REEP4: variants seen among roughly 807,000 people sequenced by gnomAD.
REEP4 encodes the protein receptor accessory protein 4.
In REEP4, 17 loss-of-function variants were observed where a neutral mutation model predicts 33.5. That is an observed-to-expected ratio of 0.51 (90% CI 0.35 to 0.76). The LOEUF (loss-of-function observed/expected upper bound fraction) is 0.76, where lower values mean the gene tolerates loss of function less well. Ranked by LOEUF, REEP4 falls within the 30% of genes least tolerant of loss-of-function variation. The pLI is 0.01. For synonymous variants in REEP4, 157 were observed against 142.9 expected (o/e 1.10, Z -0.70); for missense variants, 340 against 357.9 (o/e 0.95, Z 0.40).
At chr8:22,140,315 A>G in intron 2 of REEP4, 67 bp from the exon 3 acceptor site, 1 of 1,511,366 alleles carries the variant, frequency 6.6e-7, no homozygotes, top group Non-Finnish European at 9.2e-7. Context: ...AGGCCAGCCC[A>G]GCCCAGAGAT....
In REEP4 at chr8:22,140,066, T is replaced by G. The variant is rs756689902; in HGVS notation, c.200A>C (p.Glu67Ala). The G allele has an allele frequency of 6.2e-7, 1 of 1,613,620 alleles. No homozygotes were observed. Among genetic ancestry groups the G allele is most frequent in the East Asian group, 2.2e-5 (1 of 44,860 alleles). Residue 67 changes from glutamate (E) to alanine (A), a missense_variant, in exon 4 of 8, where the codon GAG becomes GCG. Transcript: ENST00000306306. ...IFISWFPFYY[E>A]IKMAFVLWLL... Reference sequence around the variant, plus strand: ...CCACAGCACGAAGGCCATCTTGATCTCATAGTAGAAAGGGAACCTGTCACA... The same window carrying G: ...CCACAGCACGAAGGCCATCTTGATCGCATAGTAGAAAGGGAACCTGTCACA...
In REEP4 at chr8:22,140,088, C is replaced by T; in HGVS notation, c.183-5G>A. 5 of 1,614,040 alleles carry T rather than the reference C, an allele frequency of 3.1e-6. No homozygotes were observed. Among genetic ancestry groups the T allele is most frequent in the Non-Finnish European group, 4.2e-6 (5 of 1,179,948 alleles). ...ATCTCATAGTAGAAAGGGAACCTGT[C>T]ACAGCACAAGGGGCAGGGTGAGCCA... On this transcript the variant is annotated splice_polypyrimidine_tract_variant and splice_region_variant and intron_variant, in intron 3 of 7. Transcript: ENST00000306306.
chr8:22,140,321 G>A (rs1827209482), intron 2 of REEP4, 73 bp from the exon 3 acceptor site: 1 of 1,467,208 alleles, frequency 6.8e-7, no homozygotes, highest in Non-Finnish European at 9.5e-7. Context: ...GCCCAGCCCA[G>A]AGATTCCAGG....
In REEP4 at chr8:22,139,433, C is replaced by T. The variant is rs957910647; in HGVS notation, c.400G>A (p.Val134Met). The T allele has an allele frequency of 2.5e-6, 4 of 1,607,210 alleles. No individual in the cohort carries two copies. Among genetic ancestry groups the T allele is most frequent in the Non-Finnish European group, 3.4e-6 (4 of 1,179,526 alleles). Residue 134 changes from valine (V) to methionine (M), a missense_variant, in exon 5 of 8, where the codon GTG (valine) becomes ATG (methionine). Coordinates refer to ENST00000306306, the MANE Select transcript of REEP4 (RefSeq NM_025232.4). ...CAGAGCACCTTGGTGGCAGCCTGCACAGCAGCGGAGGCGGCAATGTTGAGG... is the reference window on the plus strand; with the variant it reads ...CAGAGCACCTTGGTGGCAGCCTGCATAGCAGCGGAGGCGGCAATGTTGAGG... ...RGLNIAASAA[V>M]QAATKSQGAL...
In REEP4 at chr8:22,138,619, T is replaced by C. The variant is rs367605664; in HGVS notation, c.708+20A>G. 37 of 1,613,824 alleles carry C rather than the reference T, an allele frequency of 2.3e-5. No individual in the cohort carries two copies. Among genetic ancestry groups the C allele is most frequent in the African/African-American group, 4.0e-5 (3 of 74,934 alleles). On this transcript the variant is annotated intron_variant, in intron 7 of 7. Transcript: ENST00000306306. ...CAGCCAGCAGAGCCCTCCTCCCTCC[T>C]GTCGTCCTCCCACACTGACCTCCCG...
In REEP4 at chr8:22,140,255, G is replaced by C. The variant is rs1827208336; in HGVS notation, c.106-7C>G. On this transcript the variant is annotated splice_polypyrimidine_tract_variant and splice_region_variant and intron_variant, in intron 2 of 7. Coordinates refer to ENST00000306306, the MANE Select transcript of REEP4 (RefSeq NM_025232.4). ...AGTACATCATCCACCGCACCTGTGG[G>C]GTGAGCGCCCAGAGGTCAGCATGGG... is the stretch of plus-strand genomic sequence containing the variant. The C allele has an allele frequency of 1.2e-6, 2 of 1,613,880 alleles. No individual in the cohort carries two copies. The highest frequency in any genetic ancestry group is 1.7e-6 in the Non-Finnish European group (2 of 1,179,972).
rs1418250818 is a variant in REEP4 at position 22,138,771 on chromosome 8, C to T, written c.576G>A (p.Gln192=). 6.8e-6 allele frequency: 11 copies of T among 1,607,402 alleles called. No homozygotes were observed. Among genetic ancestry groups the T allele is most frequent in the Admixed American group, 1.7e-5 (1 of 57,588 alleles). The change falls in exon 7 of 8, where the codon CAG becomes CAA. Residue 192 remains glutamine, a synonymous_variant. Coordinates refer to ENST00000306306, the MANE Select transcript of REEP4 (RefSeq NM_025232.4). ...PPIGYRAGGL[Q]DSDTEDECWS... ...AACACTCATCCTCGGTGTCGCTGTC[C>T]TGCAGGCCCCCGGCCCGGTACCCTG...
chr8:22,141,423 G>A (rs1827229079), intron 1 of REEP4, 28 bp downstream of exon 1: 2 of 1,598,810 alleles, frequency 1.3e-6, no homozygotes, highest in East Asian at 2.3e-5. Flanking sequence ...CCCCGGGGTA[G>A]AGGAGGTCTG....
rs1264958403 is a variant in REEP4 at position 22,141,558 on chromosome 8, G to T, written c.-76C>A. 6.7e-7 allele frequency: 1 copy of T among 1,493,702 alleles called. No individual in the cohort carries two copies. Among genetic ancestry groups the T allele is most frequent in the African/African-American group, 1.4e-5 (1 of 70,738 alleles). 92.5% of individuals were successfully genotyped at this position (1,493,702 alleles called of 1,614,324 possible). A position where few individuals can be genotyped will look rare whatever the true frequency, so the allele number is the denominator to read the frequency against. On this transcript the variant is annotated 5_prime_UTR_variant, in exon 1 of 8. Coordinates refer to ENST00000306306, the MANE Select transcript of REEP4 (RefSeq NM_025232.4). ...ACGTTCACTCAAGGGCTGGGACGGG[G>T]GGTGATCAGGGCAGTTGCGGGAAGC...
At chr8:22,141,361 G>C (rs929851930) in intron 1 of REEP4, 90 bp downstream of exon 1, 16 of 1,471,914 alleles carry the variant, frequency 1.1e-5, no homozygotes, top group Non-Finnish European at 1.5e-5. Flanking sequence ...AGCTCAGAAA[G>C]TTCCTCCTCC....
Position 22,139,444 on chromosome 8 carries a change from G to A in REEP4, c.389C>T (p.Ala130Val), listed in dbSNP as rs762547688. ...SFGKRGLNIA[A>V]SAAVQAATKS... ...GGTGGCAGCCTGCACAGCAGCGGAGGCGGCAATGTTGAGGCCCCGCTTCCC... is the reference window on the plus strand; with the variant it reads ...GGTGGCAGCCTGCACAGCAGCGGAGACGGCAATGTTGAGGCCCCGCTTCCC... The change falls in exon 5 of 8, where the codon GCC (alanine) becomes GTC (valine). Residue 130 changes from alanine to valine, a missense_variant. By Grantham distance (64) the Ala-to-Val change is moderately conservative. Coordinates refer to ENST00000306306, the MANE Select transcript of REEP4 (RefSeq NM_025232.4). 1.9e-6 allele frequency: 3 copies of A among 1,608,688 alleles called. No homozygotes were observed. Among genetic ancestry groups the A allele is most frequent in the Admixed American group, 3.3e-5 (2 of 59,966 alleles).
intron 2 of REEP4, 67 bp downstream of exon 2, chr8:22,140,558 A>T: frequency 7.3e-7 from 1 of 1,374,166 alleles, no homozygotes; most frequent in Non-Finnish European, 1.0e-6. Flanking sequence ...TGGAGGAGGG[A>T]GAGGCCAACT....
rs1827234049 is a variant in REEP4 at position 22,141,653 on chromosome 8, A to C, written c.-171T>G. On this transcript the variant is annotated 5_prime_UTR_variant, in exon 1 of 8. Transcript: ENST00000306306. Reference sequence around the variant, plus strand: ...CCCACGGCCTCCGACTGTGCAGTTCAGGGGACCTGGAGAATGGGGAGACCC... The same window carrying C: ...CCCACGGCCTCCGACTGTGCAGTTCCGGGGACCTGGAGAATGGGGAGACCC... The C allele has an allele frequency of 5.1e-6, 3 of 583,742 alleles. No homozygotes were observed. The highest frequency in any genetic ancestry group is 5.6e-6 in the Non-Finnish European group (2 of 354,550). 36.2% of individuals were successfully genotyped at this position (583,742 alleles called of 1,614,324 possible). A position where few individuals can be genotyped will look rare whatever the true frequency, so the allele number is the denominator to read the frequency against.
chr8:22,139,283 A>G, intron 5 of REEP4, 133 bp downstream of exon 5: 6 of 934,348 alleles, frequency 6.4e-6, no homozygotes, highest in Non-Finnish European at 1.0e-5. Flanking sequence ...CGCTTCTGCC[A>G]ATACCCCCCC....
At chr8:22,140,107 TGAGCCAAG>T (rs752436576) in intron 3 of REEP4, 24 bp from the exon 4 acceptor site, 2 of 1,613,978 alleles carry the variant, frequency 1.2e-6, no homozygotes, top group South Asian at 2.2e-5. Context: ...AGGGGCAGGG[TGAGCCAAG>T]GAGCAGGGCT....
chr8:22,139,566 G>T, intron 4 of REEP4, 37 bp from the exon 5 acceptor site: 2 of 1,497,192 alleles, frequency 1.3e-6, no homozygotes, highest in Non-Finnish European at 1.8e-6. Flanking sequence ...CAGGTGGACA[G>T]CCAGAGTCCC....
In REEP4 at chr8:22,140,013, T is replaced by A. The variant is rs1467987721; in HGVS notation, c.253A>T (p.Ser85Cys). The A allele has an allele frequency of 1.2e-6, 2 of 1,601,610 alleles. No individual in the cohort carries two copies. The highest frequency in any genetic ancestry group is 1.7e-6 in the Non-Finnish European group (2 of 1,173,764). The change falls in exon 4 of 8, where the codon AGC (serine) becomes TGC (cysteine). Residue 85 changes from serine (S) to cysteine (C), a missense_variant. By Grantham distance (112) the Ser-to-Cys change is moderately radical. Coordinates refer to ENST00000306306, the MANE Select transcript of REEP4 (RefSeq NM_025232.4). ...WLLSPYTKGA[S>C]LLYRKFVHPS... ...TGGACAAACTTGCGGTAAAGCAGGC[T>A]GGCGCCCTTGGTGTAGGGTGAGAGC...
At position 22,138,966 on chromosome 8, in the gene REEP4, G is replaced by C; in HGVS notation, c.513C>G (p.Leu171=). The C allele has an allele frequency of 2.5e-6, 4 of 1,608,602 alleles. No individual in the cohort carries two copies. The highest frequency in any genetic ancestry group is 3.4e-6 in the Non-Finnish European group (4 of 1,177,788). The part of the protein sequence containing the change: ...DAPAPAYHDP[L]YLEDQVSHRR... ...GGTGGGACACCTGGTCCTCCAGGTA[G>C]AGGGGGTCATGGTAGGCAGGGGCAG... Residue 171 remains leucine, a synonymous_variant, in exon 6 of 8, where the codon CTC becomes CTG. Coordinates refer to ENST00000306306, the MANE Select transcript of REEP4 (RefSeq NM_025232.4).
Position 22,138,799 on chromosome 8 carries a change from T to TGGA in REEP4, c.554-9_554-7dup. The TGGA allele has an allele frequency of 6.3e-7, 1 of 1,589,032 alleles. No individual in the cohort carries two copies. The highest frequency in any genetic ancestry group is 8.5e-7 in the Non-Finnish European group (1 of 1,170,268). ...CAGGCCCCCGGCCCGGTACCCTGTG[T>TGGA]GGAGGAGGAGGTGAAGCTGAAAGCC... On this transcript the variant is annotated splice_region_variant and splice_polypyrimidine_tract_variant and intron_variant, in intron 6 of 7. Coordinates refer to ENST00000306306, the MANE Select transcript of REEP4 (RefSeq NM_025232.4).
Sources: gnomAD v4.1 joint callset for allele counts on GRCh38, gnomAD v4.1.1 for gene constraint, MANE v1.5 for transcripts, NCBI Gene and HGNC (gene_info 2026-07-23, HGNC 2026-07-21) for gene names.